Variants in ATOH1 observed in about 807,000 individuals in gnomAD.
The protein encoded by ATOH1 is transcription factor ATOH1.
In ATOH1, 9 loss-of-function variants were observed where a neutral mutation model predicts 20.7. That is an observed-to-expected ratio of 0.44 (90% CI 0.26 to 0.76). The LOEUF (loss-of-function observed/expected upper bound fraction) is 0.76, where lower values mean the gene tolerates loss of function less well. Ranked by LOEUF, ATOH1 falls within the 30% of genes least tolerant of loss-of-function variation. ATOH1 has a pLI of 0.20. For synonymous variants in ATOH1, 247 were observed against 214.3 expected (o/e 1.15, Z -1.33); for missense variants, 516 against 479.3 (o/e 1.08, Z -0.71).
Position 93,828,933 on chromosome 4 carries a change from C to T in ATOH1, c.7C>T (p.Arg3Cys), listed in dbSNP as rs760657587. MS[R>C]LLHAEEWAEV... is the part of the protein sequence containing the mutation. ...TCCGAGCCTTTGCAGTGCAATGTCC[C>T]GCCTGCTGCATGCAGAAGAGTGGGC... Residue 3 changes from arginine (R) to cysteine (C), a missense_variant, in exon 1 of 1, where the codon CGC becomes TGC. Transcript: ENST00000306011. The T allele has an allele frequency of 8.8e-6, 14 of 1,593,592 alleles. No homozygotes were observed. The highest frequency in any genetic ancestry group is 1.3e-5 in the African/African-American group (1 of 74,812).
Position 93,828,818 on chromosome 4 carries a change from G to GAA in ATOH1, c.-101_-100dup. The GAA allele has an allele frequency of 1.6e-6, 2 of 1,260,574 alleles. No homozygotes were observed. Among genetic ancestry groups the GAA allele is most frequent in the South Asian group, 1.7e-5 (1 of 60,584 alleles). The allele number at this position is 1,260,574 out of a possible 1,614,324, so 78.1% of individuals were successfully genotyped here. A position where few individuals can be genotyped will look rare whatever the true frequency, so the allele number is the denominator to read the frequency against. ...AGTGGGTGGGGGAGGGTCGAGGAGG[G>GAA]AAAAAAAAATAAGACGTTGCAGAAG... On this transcript the variant is annotated 5_prime_UTR_variant, in exon 1 of 1. Transcript: ENST00000306011.
chr4:93,829,172 A>G lies in ATOH1; in HGVS notation c.246A>G (p.Leu82=), dbSNP rs1056517774. The G allele has an allele frequency of 6.3e-7, 1 of 1,590,046 alleles. No homozygotes were observed. The highest frequency in any genetic ancestry group is 2.2e-5 in the East Asian group (1 of 44,564). Residue 82 remains leucine (L), a synonymous_variant, in exon 1 of 1, where the codon CTA becomes CTG. Coordinates refer to ENST00000306011, the MANE Select transcript of ATOH1 (RefSeq NM_005172.2). This position sits in a 1 kb window ranked among gnomAD's most constrained non-coding sequence, Gnocchi z 4.5. The stretch of plus-strand genomic sequence containing the variant: ...CGGCACGCGCCGCCCAGTATTTGCT[A>G]CATTCCCCGGAGCTGGGTGCCTCAG... ...ICTARAAQYL[L]HSPELGASEA...
Position 93,829,233 on chromosome 4 carries a change from G to C in ATOH1, c.307G>C (p.Gly103Arg), listed in dbSNP as rs997548725. Residue 103 changes from glycine to arginine, a missense_variant, in exon 1 of 1, where the codon GGG becomes CGG. Gly to Arg is a moderately radical substitution (Grantham distance 125, BLOSUM62 -2). Transcript: ENST00000306011. This position sits in a 1 kb window ranked among gnomAD's most constrained non-coding sequence, Gnocchi z 4.5. ...GCCCCGGGACGAGGTGGACGGCCGGGGGGAGCTGGTAAGGAGGAGCAGCGG... is the reference window on the plus strand; with the variant it reads ...GCCCCGGGACGAGGTGGACGGCCGGCGGGAGCTGGTAAGGAGGAGCAGCGG... The part of the protein sequence containing the change: ...AAPRDEVDGR[G>R]ELVRRSSGGA... 1.3e-6 allele frequency: 2 copies of C among 1,589,894 alleles called. No homozygotes were observed. The highest frequency in any genetic ancestry group is 1.7e-5 in the Admixed American group (1 of 58,590).
Position 93,830,738 on chromosome 4 carries a change from A to C in ATOH1, c.*747A>C, listed in dbSNP as rs1735427812. The C allele has an allele frequency of 6.0e-6, 1 of 167,032 alleles. No homozygotes were observed. Among genetic ancestry groups the C allele is most frequent in the Non-Finnish European group, 1.5e-5 (1 of 68,124 alleles). The allele number at this position is 167,032 out of a possible 1,614,324, so 10.3% of individuals were successfully genotyped here. On this transcript the variant is annotated 3_prime_UTR_variant, in exon 1 of 1. Transcript: ENST00000306011. ...AAGCTCTTTGCAAATGTTTGTTTAA[A>C]AAATGAAAAATTAAAAAAAATCTAG...
At position 93,829,626 on chromosome 4, in the gene ATOH1, G is replaced by C. The variant is rs531803049; in HGVS notation, c.700G>C (p.Asp234His). ...GCCGCCTCCAGCCTCCTGCAAAAGC[G>C]ACCACCACCACCTTCGCACCGCGGC... is the stretch of plus-strand genomic sequence containing the variant. ...PPPPPASCKS[D>H]HHHLRTAASY... Residue 234 changes from aspartate (D) to histidine (H), a missense_variant, in exon 1 of 1, where the codon GAC becomes CAC. Physicochemically the swap from Asp to His is moderately conservative, Grantham distance 81. Coordinates refer to ENST00000306011, the MANE Select transcript of ATOH1 (RefSeq NM_005172.2). The surrounding 1 kb of genome is among the most constrained non-coding windows in gnomAD (Gnocchi z 4.5). The C allele has an allele frequency of 1.2e-6, 2 of 1,609,800 alleles. No homozygotes were observed. Among genetic ancestry groups the C allele is most frequent in the African/African-American group, 2.7e-5 (2 of 74,798 alleles).
At position 93,829,811 on chromosome 4, in the gene ATOH1, G is replaced by A; in HGVS notation, c.885G>A (p.Ser295=). The change falls in exon 1 of 1, where the codon TCG becomes TCA. Residue 295 remains serine (S), a synonymous_variant. Transcript: ENST00000306011. This position sits in a 1 kb window ranked among gnomAD's most constrained non-coding sequence, Gnocchi z 4.5. ...YSVQLDALHF[S]TFEDSALTAM... ...TGCAGCTGGACGCTCTGCACTTCTC[G>A]ACTTTCGAGGACAGCGCCCTGACAG... 1.9e-6 allele frequency: 3 copies of A among 1,613,830 alleles called. No homozygotes were observed. Among genetic ancestry groups the A allele is most frequent in the Non-Finnish European group, 2.5e-6 (3 of 1,179,940 alleles).
rs1442333092 is a variant in ATOH1, at chr4:93,830,099, G to T, written c.*108G>T. On this transcript the variant is annotated 3_prime_UTR_variant, in exon 1 of 1. Transcript: ENST00000306011. ...CCGCACCCTTTAATTTTTGCTCTGC[G>T]ATGGTCGTTGTTTAGCAACGACTTG... The T allele has an allele frequency of 6.9e-7, 1 of 1,450,620 alleles. No homozygotes were observed. Among genetic ancestry groups the T allele is most frequent in the African/African-American group, 1.4e-5 (1 of 69,610 alleles). 89.9% of individuals were successfully genotyped at this position (1,450,620 alleles called of 1,614,324 possible). A position where few individuals can be genotyped will look rare whatever the true frequency, so the allele number is the denominator to read the frequency against.
In ATOH1 at chr4:93,829,363, G is replaced by C. The variant is rs1735396668; in HGVS notation, c.437G>C (p.Arg146Pro). 4.3e-6 allele frequency: 7 copies of C among 1,614,160 alleles called. No individual in the cohort carries two copies. The highest frequency in any genetic ancestry group is 1.1e-5 in the South Asian group (1 of 91,088). The change falls in exon 1 of 1, where the codon CGG (arginine) becomes CCG (proline). Residue 146 changes from arginine to proline, a missense_variant. Transcript: ENST00000306011. This position sits in a 1 kb window ranked among gnomAD's most constrained non-coding sequence, Gnocchi z 4.5. ...VVDELGCSRQ[R>P]APSSKQVNGV... ...GACGAGCTGGGCTGCAGCCGCCAAC[G>C]GGCCCCTTCCAGCAAACAGGTGAAT...
At position 93,829,463 on chromosome 4, in the gene ATOH1, C is replaced by T. The variant is rs1340211901; in HGVS notation, c.537C>T (p.Phe179=). 3.1e-6 allele frequency: 5 copies of T among 1,614,254 alleles called. No individual in the cohort carries two copies. Among genetic ancestry groups the T allele is most frequent in the South Asian group, 2.2e-5 (2 of 91,092 alleles). Residue 179 remains phenylalanine (F), a synonymous_variant, in exon 1 of 1, where the codon TTC becomes TTT. Transcript: ENST00000306011. This position sits in a 1 kb window ranked among gnomAD's most constrained non-coding sequence, Gnocchi z 4.5. ...RRRMHGLNHA[F]DQLRNVIPSF... ...GGATGCATGGGCTGAACCACGCCTT[C>T]GACCAGCTGCGCAATGTTATCCCGT... is the stretch of plus-strand genomic sequence containing the variant.
At position 93,829,424 on chromosome 4, in the gene ATOH1, C is replaced by G; in HGVS notation, c.498C>G (p.Ala166=). ...VQKQRRLAAN[A]RERRRMHGLN... is the part of the protein sequence containing the mutation. The stretch of plus-strand genomic sequence containing the variant: ...AGCAGAGACGGCTAGCAGCCAACGC[C>G]AGGGAGCGGCGCAGGATGCATGGGC... Residue 166 remains alanine, a synonymous_variant, in exon 1 of 1, where the codon GCC becomes GCG. Transcript: ENST00000306011. The surrounding 1 kb of genome is among the most constrained non-coding windows in gnomAD (Gnocchi z 4.5). The G allele has an allele frequency of 1.2e-6, 2 of 1,614,254 alleles. No homozygotes were observed. Among genetic ancestry groups the G allele is most frequent in the South Asian group, 2.2e-5 (2 of 91,090 alleles).
Position 93,829,409 on chromosome 4 carries a change from G to C in ATOH1, c.483G>C (p.Arg161=), listed in dbSNP as rs1208012180. Residue 161 remains arginine, a synonymous_variant, in exon 1 of 1, where the codon CGG becomes CGC. Transcript: ENST00000306011. The surrounding 1 kb of genome is among the most constrained non-coding windows in gnomAD (Gnocchi z 4.5). ...TGAATGGGGTGCAGAAGCAGAGACG[G>C]CTAGCAGCCAACGCCAGGGAGCGGC... The part of the protein sequence containing the change: ...KQVNGVQKQR[R]LAANARERRR... 3 of 1,614,130 alleles carry C rather than the reference G, an allele frequency of 1.9e-6. No individual in the cohort carries two copies. Among genetic ancestry groups the C allele is most frequent in the Middle Eastern group, 1.6e-4 (1 of 6,084 alleles).
rs1425612157 is a variant in ATOH1, at chr4:93,829,408, G to A, written c.482G>A (p.Arg161Gln). The A allele has an allele frequency of 2.5e-6, 4 of 1,614,234 alleles. No homozygotes were observed. Among genetic ancestry groups the A allele is most frequent in the Admixed American group, 1.7e-5 (1 of 60,032 alleles). The change falls in exon 1 of 1, where the codon CGG becomes CAG. Residue 161 changes from arginine (R) to glutamine (Q), a missense_variant. Transcript: ENST00000306011. The surrounding 1 kb of genome is among the most constrained non-coding windows in gnomAD (Gnocchi z 4.5). ...GTGAATGGGGTGCAGAAGCAGAGAC[G>A]GCTAGCAGCCAACGCCAGGGAGCGG... ...KQVNGVQKQRRLAANARERRR... is the reference protein window; with the variant it reads ...KQVNGVQKQRQLAANARERRR...
At position 93,829,343 on chromosome 4, in the gene ATOH1, G is replaced by A. The variant is rs1242472835; in HGVS notation, c.417G>A (p.Glu139=). ...CKLKGGVVVD[E]LGCSRQRAPS... ...TGAAAGGCGGGGTGGTGGTAGACGAGCTGGGCTGCAGCCGCCAACGGGCCC... is the reference window on the plus strand; with the variant it reads ...TGAAAGGCGGGGTGGTGGTAGACGAACTGGGCTGCAGCCGCCAACGGGCCC... Residue 139 remains glutamate, a synonymous_variant, in exon 1 of 1, where the codon GAG becomes GAA. Transcript: ENST00000306011. This position sits in a 1 kb window ranked among gnomAD's most constrained non-coding sequence, Gnocchi z 4.5. The A allele has an allele frequency of 6.2e-7, 1 of 1,614,088 alleles. No individual in the cohort carries two copies. The highest frequency in any genetic ancestry group is 8.5e-7 in the Non-Finnish European group (1 of 1,179,992).
chr4:93,830,245 G>C lies in ATOH1; in HGVS notation c.*254G>C, dbSNP rs981461034. ...ATTGTGTCCTTTCCGCCCACCTTCT[G>C]CTCCCCCTTTAGATAGATACGGTAT... On this transcript the variant is annotated 3_prime_UTR_variant, in exon 1 of 1. Coordinates refer to ENST00000306011, the MANE Select transcript of ATOH1 (RefSeq NM_005172.2). 4.6e-6 allele frequency: 3 copies of C among 647,000 alleles called. No homozygotes were observed. Among genetic ancestry groups the C allele is most frequent in the Middle Eastern group, 4.8e-4 (1 of 2,104 alleles). The allele number at this position is 647,000 out of a possible 1,614,324, so 40.1% of individuals were successfully genotyped here.
rs754425733 is a variant in ATOH1 at position 93,829,080 on chromosome 4, G to C, written c.154G>C (p.Glu52Gln). The change falls in exon 1 of 1, where the codon GAG becomes CAG. Residue 52 changes from glutamate (E) to glutamine (Q), a missense_variant. By Grantham distance (29) the Glu-to-Gln change is conservative. Coordinates refer to ENST00000306011, the MANE Select transcript of ATOH1 (RefSeq NM_005172.2). The surrounding 1 kb of genome is among the most constrained non-coding windows in gnomAD (Gnocchi z 4.5). ...QAREHPVYPP[E>Q]LSLLDSTDPR... Reference sequence around the variant, plus strand: ...GAGAGAGCATCCCGTCTACCCGCCTGAGCTGTCCCTCCTGGACAGCACCGA... The same window carrying C: ...GAGAGAGCATCCCGTCTACCCGCCTCAGCTGTCCCTCCTGGACAGCACCGA... 6.2e-7 allele frequency: 1 copy of C among 1,613,780 alleles called. No individual in the cohort carries two copies. The highest frequency in any genetic ancestry group is 1.7e-5 in the Admixed American group (1 of 60,010).
Position 93,828,885 on chromosome 4 carries a change from A to G in ATOH1, c.-42A>G. ...TTTTTTTTGGTTGAGCTGGTGTCCC[A>G]GTGCTGCCTCCGATCCTGAGCCTCC... On this transcript the variant is annotated 5_prime_UTR_variant, in exon 1 of 1. Coordinates refer to ENST00000306011, the MANE Select transcript of ATOH1 (RefSeq NM_005172.2). 1 of 1,526,898 alleles carries G rather than the reference A, an allele frequency of 6.5e-7. No individual in the cohort carries two copies. Among genetic ancestry groups the G allele is most frequent in the Non-Finnish European group, 8.8e-7 (1 of 1,136,802 alleles). 94.6% of individuals were successfully genotyped at this position (1,526,898 alleles called of 1,614,324 possible).
Position 93,828,766 on chromosome 4 carries a change from T to A in ATOH1, c.-161T>A. 1 of 741,420 alleles carries A rather than the reference T, an allele frequency of 1.3e-6. No individual in the cohort carries two copies. Among genetic ancestry groups the A allele is most frequent in the East Asian group, 3.0e-5 (1 of 33,320 alleles). The allele number at this position is 741,420 out of a possible 1,614,324, so 45.9% of individuals were successfully genotyped here. ...CCTTCAGCAACCGGAGAAGCATAGT[T>A]GCACGCGACCTGGTGTGTGATCTCC... On this transcript the variant is annotated 5_prime_UTR_variant, in exon 1 of 1. Coordinates refer to ENST00000306011, the MANE Select transcript of ATOH1 (RefSeq NM_005172.2).
In ATOH1 at chr4:93,830,098, C is replaced by T. The variant is rs1735414460; in HGVS notation, c.*107C>T. The T allele has an allele frequency of 2.8e-6, 4 of 1,450,536 alleles. No individual in the cohort carries two copies. Among genetic ancestry groups the T allele is most frequent in the Admixed American group, 3.0e-5 (1 of 33,208 alleles). The allele number at this position is 1,450,536 out of a possible 1,614,324, so 89.9% of individuals were successfully genotyped here. ...CCCGCACCCTTTAATTTTTGCTCTG[C>T]GATGGTCGTTGTTTAGCAACGACTT... is the stretch of plus-strand genomic sequence containing the variant. On this transcript the variant is annotated 3_prime_UTR_variant, in exon 1 of 1. Transcript: ENST00000306011.
At position 93,829,569 on chromosome 4, in the gene ATOH1, C is replaced by G. The variant is rs1453049739; in HGVS notation, c.643C>G (p.Leu215Val). ...QIYINALSELLQTPSGGEQPP... is the reference protein window; with the variant it reads ...QIYINALSELVQTPSGGEQPP... ...CTACATCAACGCCTTGTCCGAGCTG[C>G]TACAAACGCCCAGCGGAGGGGAACA... The change falls in exon 1 of 1, where the codon CTA becomes GTA. Residue 215 changes from leucine (L) to valine (V), a missense_variant. Leu to Val is a conservative substitution (Grantham distance 32, BLOSUM62 1). Coordinates refer to ENST00000306011, the MANE Select transcript of ATOH1 (RefSeq NM_005172.2). The surrounding 1 kb of genome is among the most constrained non-coding windows in gnomAD (Gnocchi z 4.5). 2.5e-6 allele frequency: 4 copies of G among 1,614,112 alleles called. No individual in the cohort carries two copies. In the African/African-American group the frequency reaches 5.3e-5, roughly 22 times the overall value.
Sources: gnomAD v4.1 joint callset for allele counts on GRCh38, gnomAD v4.1.1 for gene constraint, Gnocchi (gnomAD v3.1) non-coding constraint, MANE v1.5 for transcripts, NCBI Gene and HGNC (gene_info 2026-07-23, HGNC 2026-07-21) for gene names.